Variants in HMCN1 observed in about 807,000 individuals in gnomAD.
HMCN1 encodes hemicentin-1.
In HMCN1, 321 loss-of-function variants were observed where a neutral mutation model predicts 625.9. That is an observed-to-expected ratio of 0.51 (90% CI 0.47 to 0.56). The LOEUF (loss-of-function observed/expected upper bound fraction) is 0.56. Among genes scored for constraint, HMCN1 ranks in the 20% least tolerant of loss-of-function variants. HMCN1 has a pLI of 0.00. For synonymous variants in HMCN1, 2,425 were observed against 2,417.6 expected, an observed-to-expected ratio of 1.00 and a Z score of -0.09; for missense variants, 6,588 against 6,887.3, an observed-to-expected ratio of 0.96 and a Z score of 1.54.
At chr1:186,102,288 G>C (rs920763773) in intron 68 of HMCN1, among the ~76,000 whole-genome samples, 3 of 152,032 alleles carry the variant, frequency 2.0e-5, no homozygotes, top group Non-Finnish European at 2.9e-5. Flanking sequence ...GTGTAGAAAT[G>C]CTGACTTCAT....
chr1:185,897,943 AT>A (rs1390196725), intron 4 of HMCN1, among the ~76,000 whole-genome samples: 1 of 152,146 alleles, frequency 6.6e-6, no homozygotes, highest in South Asian at 2.1e-4. Flanking sequence ...CACTCCACCC[AT>A]TTTTCCAGTT....
At chr1:185,815,049 T>C (rs1345719902) in intron 1 of HMCN1, among the ~76,000 whole-genome samples, 1 of 149,970 alleles carries the variant, frequency 6.7e-6, no homozygotes, top group Non-Finnish European at 1.5e-5. Context: ...TGTTCTTTGG[T>C]AAAAAAGAGA....
chr1:185,994,766 A>G (rs1652667921), intron 23 of HMCN1, 49 bp from the exon 24 acceptor site: 3 of 1,573,830 alleles, frequency 1.9e-6, no homozygotes, highest in Non-Finnish European at 1.7e-6. Context: ...GTGAGTAAAG[A>G]AAGGAATTTG....
intron 6 of HMCN1, among the ~76,000 whole-genome samples, chr1:185,919,091 AATTT>A: frequency 6.7e-6 from 1 of 150,268 alleles, no homozygotes; most frequent in African/African-American, 2.5e-5. Flanking sequence ...ATATATATAT[AATTT>A]TATTACATTT....
chr1:186,132,326 A>G lies in HMCN1; in HGVS notation c.13231-2A>G. On this transcript the variant is annotated splice_acceptor_variant, in intron 85 of 106. Transcript: ENST00000271588. LOFTEE classifies it high-confidence loss of function. ...TTGTAAAAACGCTGCTTATTTCCATAGAATGAAGATGCCGGTGACTATACA... is the reference window on the plus strand; with the variant it reads ...TTGTAAAAACGCTGCTTATTTCCATGGAATGAAGATGCCGGTGACTATACA... The G allele has an allele frequency of 6.2e-7, 1 of 1,611,604 alleles. No homozygotes were observed. The highest frequency in any genetic ancestry group is 1.3e-5 in the African/African-American group (1 of 74,984).
chr1:186,068,129 C>A, intron 50 of HMCN1, 122 bp downstream of exon 50: 1 of 966,282 alleles, frequency 1.0e-6, no homozygotes, highest in Non-Finnish European at 1.6e-6. Context: ...ATGTTCTGTG[C>A]AGCCTGGTTC....
At chr1:185,931,214 G>T (rs1316094903) in intron 10 of HMCN1, among the ~76,000 whole-genome samples, 1 of 152,044 alleles carries the variant, frequency 6.6e-6, no homozygotes, top group African/African-American at 2.4e-5. Context: ...TTTACTTAAT[G>T]TCCCAAGCCT....
At chr1:185,810,537 A>G (rs1477026165) in intron 1 of HMCN1, among the ~76,000 whole-genome samples, 2 of 152,176 alleles carry the variant, frequency 1.3e-5, no homozygotes, top group African/African-American at 4.8e-5. Flanking sequence ...TTCACATGAC[A>G]TTAAGATGAA....
intron 68 of HMCN1, among the ~76,000 whole-genome samples, chr1:186,098,797 A>G (rs1401797227): frequency 6.6e-6 from 1 of 151,890 alleles, no homozygotes; most frequent in African/African-American, 2.4e-5. Flanking sequence ...TGGATGAATG[A>G]ATAAAGACAA....
chr1:185,767,156 T>C (rs1419672775), intron 1 of HMCN1, among the ~76,000 whole-genome samples: 1 of 152,176 alleles, frequency 6.6e-6, no homozygotes, highest in African/African-American at 2.4e-5. Flanking sequence ...AATTAGTGAA[T>C]AACATGCTTC....
intron 11 of HMCN1, among the ~76,000 whole-genome samples, chr1:185,959,417 G>T (rs1394655778): frequency 6.6e-6 from 1 of 151,930 alleles, no homozygotes; most frequent in South Asian, 2.1e-4. Context: ...CATTAATAGT[G>T]TATTAAGATA....
intron 2 of HMCN1, 55 bp downstream of exon 2, chr1:185,846,151 G>A: frequency 7.6e-7 from 1 of 1,321,182 alleles, no homozygotes; most frequent in Non-Finnish European, 1.1e-6. Flanking sequence ...TGAGCCTTTG[G>A]CTGATTTTCT....
chr1:186,139,654 G>T (rs1479791632), intron 89 of HMCN1, among the ~76,000 whole-genome samples: 1 of 149,144 alleles, frequency 6.7e-6, no homozygotes, highest in Non-Finnish European at 1.5e-5. Flanking sequence ...TAAACCAAAT[G>T]AATTTAGCTA....
intron 11 of HMCN1, among the ~76,000 whole-genome samples, chr1:185,945,104 A>G (rs1324014763): frequency 6.6e-6 from 1 of 152,212 alleles, no homozygotes; most frequent in Non-Finnish European, 1.5e-5. Context: ...TTTGACTATT[A>G]TAAATAAAAA....
intron 6 of HMCN1, among the ~76,000 whole-genome samples, chr1:185,914,607 T>C (rs1402900207): frequency 6.6e-6 from 1 of 151,998 alleles, no homozygotes. Flanking sequence ...TCTTACCCCA[T>C]GCTTTCTTTC....
intron 4 of HMCN1, among the ~76,000 whole-genome samples, chr1:185,879,275 A>T (rs1664144104): frequency 6.6e-6 from 1 of 151,742 alleles, no homozygotes; most frequent in African/African-American, 2.4e-5. Flanking sequence ...GGCCCAAGCA[A>T]TTCTCCCACC....
chr1:185,837,708 A>C (rs1661253966), intron 1 of HMCN1, among the ~76,000 whole-genome samples: 2 of 152,142 alleles, frequency 1.3e-5, no homozygotes, highest in Admixed American at 1.3e-4. Context: ...AGTAGAGAGT[A>C]CTATTTAACC....
chr1:186,046,832 G>T (rs545190297), intron 41 of HMCN1, among the ~76,000 whole-genome samples: 1 of 152,130 alleles, frequency 6.6e-6, no homozygotes, highest in Admixed American at 6.6e-5. Context: ...TCATCCTAAG[G>T]AATTCAGATT....
Position 185,803,588 on chromosome 1 carries a change from T to C in HMCN1, c.269-42438T>C, listed in dbSNP as rs193057913. On this transcript the variant is annotated intron_variant, in intron 1 of 106. Coordinates refer to ENST00000271588, the MANE Select transcript of HMCN1 (RefSeq NM_031935.3). ...AGATATTCTTTCAACATTTAAAAAA[T>C]GGACAGAAAAGGATGAGGCAGAAAG... 1.7e-3 allele frequency among the ~76,000 whole-genome samples: 260 copies of C among 152,186 alleles called. 2 individuals carry two copies. The highest frequency in any genetic ancestry group is 6.8e-3 in the Middle Eastern group (2 of 294).
Sources: allele counts gnomAD v4.1 joint callset (sites outside exome capture counted in the v4.1 genomes callset), GRCh38; gene constraint gnomAD v4.1.1; transcripts MANE v1.5; gene names NCBI Gene and HGNC (gene_info 2026-07-23, HGNC 2026-07-21).